The following KIAA1549L variants were observed in gnomAD, a reference collection of about 807,000 sequenced individuals.
The protein encoded by KIAA1549L is KIAA1549 like.
A neutral mutation model predicts 160.7 loss-of-function variants in KIAA1549L; 88 were observed. The observed-to-expected ratio is 0.55, with a 90% CI of 0.46 to 0.65. The LOEUF is 0.65. Among genes scored for constraint, KIAA1549L ranks in the 30% least tolerant of loss-of-function variants. KIAA1549L has a pLI of 0.00. For synonymous variants in KIAA1549L, 950 were observed against 976.7 expected, an observed-to-expected ratio of 0.97 and a Z score of 0.51; for missense variants, 2,258 against 2,437.5, an observed-to-expected ratio of 0.93 and a Z score of 1.55.
intron 1 of KIAA1549L, among the ~76,000 whole-genome samples, chr11:33,417,306 A>G (rs117514236): frequency 7.2e-5 from 11 of 152,172 alleles, no homozygotes; most frequent in Non-Finnish European, 1.5e-4. Flanking sequence ...CAGCATGCGC[A>G]TGACACCCCC....
intron 1 of KIAA1549L, among the ~76,000 whole-genome samples, chr11:33,386,331 T>C (rs1850171981): frequency 6.6e-6 from 1 of 152,224 alleles, no homozygotes; most frequent in African/African-American, 2.4e-5. Flanking sequence ...TCTTTGTCTA[T>C]TGAGATGATC....
intron 1 of KIAA1549L, among the ~76,000 whole-genome samples, chr11:33,526,810 C>T (rs1245566837): frequency 6.6e-6 from 1 of 152,130 alleles, no homozygotes; most frequent in Non-Finnish European, 1.5e-5. Context: ...TAAGAAATCT[C>T]TGAATTGCCA....
intron 1 of KIAA1549L, among the ~76,000 whole-genome samples, chr11:33,481,705 C>T (rs1440984020): frequency 2.6e-5 from 4 of 152,232 alleles, no homozygotes; most frequent in Non-Finnish European, 5.9e-5. Flanking sequence ...GACCCACCCT[C>T]ACTTTTTAAA....
chr11:33,477,894 C>T (rs755732449), intron 1 of KIAA1549L, among the ~76,000 whole-genome samples: 10 of 152,182 alleles, frequency 6.6e-5, no homozygotes, highest in Non-Finnish European at 1.0e-4. Flanking sequence ...AAACCACTTA[C>T]GTTTTGTCCA....
chr11:33,552,115 G>A lies in KIAA1549L; in HGVS notation c.3729G>A (p.Gln1243=). 1.2e-6 allele frequency: 2 copies of A among 1,613,704 alleles called. No homozygotes were observed. Among genetic ancestry groups the A allele is most frequent in the Non-Finnish European group, 1.7e-6 (2 of 1,179,772 alleles). Residue 1243 remains glutamine (Q), a synonymous_variant, in exon 6 of 21, where the codon CAG becomes CAA. Coordinates refer to ENST00000658780, the MANE Select transcript of KIAA1549L (RefSeq NM_012194.3). ...AGYFQLKTVL[Q]FVSQADNIQS... is the part of the protein sequence containing the mutation. The stretch of plus-strand genomic sequence containing the variant: ...TGACTTCTCTCATTCTAGTGCTGCA[G>A]TTTGTGAGCCAAGCGGACAACATAC...
At chr11:33,554,781 G>C (rs560775425) in intron 6 of KIAA1549L, among the ~76,000 whole-genome samples, 2 of 152,326 alleles carry the variant, frequency 1.3e-5, no homozygotes, top group East Asian at 3.9e-4. Context: ...GCAAAGAGGA[G>C]AAATGGTTCC....
At chr11:33,633,766 T>C (rs1851366345) in intron 16 of KIAA1549L, among the ~76,000 whole-genome samples, 1 of 152,218 alleles carries the variant, frequency 6.6e-6, no homozygotes, top group South Asian at 2.1e-4. Context: ...TAGTACAGTG[T>C]AGGGGCTGTG....
At chr11:33,529,404 G>A (rs1318371886) in intron 1 of KIAA1549L, among the ~76,000 whole-genome samples, 4 of 152,126 alleles carry the variant, frequency 2.6e-5, no homozygotes, top group African/African-American at 9.6e-5. Flanking sequence ...ATTAGATTTT[G>A]CTCTTCTGGA....
At chr11:33,641,631 T>TAC (rs1851588922) in intron 16 of KIAA1549L, among the ~76,000 whole-genome samples, 2 of 90,988 alleles carry the variant, frequency 2.2e-5, no homozygotes, top group African/African-American at 3.7e-5. Flanking sequence ...TATATATATA[T>TAC]ATACACAGTG....
intron 16 of KIAA1549L, among the ~76,000 whole-genome samples, chr11:33,623,096 A>G (rs12577446): frequency 0.037 from 5,593 of 152,248 alleles, 232 homozygotes; most frequent in East Asian, 0.19. Flanking sequence ...TTGTAATCCT[A>G]TTATTAATAG....
At chr11:33,503,224 C>A (rs1006773533) in intron 1 of KIAA1549L, among the ~76,000 whole-genome samples, 1 of 152,164 alleles carries the variant, frequency 6.6e-6, no homozygotes, top group Non-Finnish European at 1.5e-5. Flanking sequence ...TCTTGTTCAG[C>A]ATTATGTGTG....
At chr11:33,559,264 G>C (rs929104204) in intron 6 of KIAA1549L, among the ~76,000 whole-genome samples, 8 of 152,122 alleles carry the variant, frequency 5.3e-5, no homozygotes, top group African/African-American at 1.9e-4. Context: ...TTCTCTATCT[G>C]AGCAGTTGAG....
intron 16 of KIAA1549L, among the ~76,000 whole-genome samples, chr11:33,625,975 T>C (rs1008459114): frequency 6.7e-6 from 1 of 149,836 alleles, no homozygotes; most frequent in Non-Finnish European, 1.5e-5. Context: ...GCTTTCTACA[T>C]ATGGCTAGCC....
chr11:33,475,498 A>G (rs1852265619), intron 1 of KIAA1549L, among the ~76,000 whole-genome samples: 1 of 151,232 alleles, frequency 6.6e-6, no homozygotes, highest in South Asian at 2.1e-4. Flanking sequence ...TCGAGGTTAT[A>G]GTAAGCTATA....
chr11:33,580,161 A>G (rs1182455215), intron 10 of KIAA1549L, among the ~76,000 whole-genome samples: 4 of 152,204 alleles, frequency 2.6e-5, no homozygotes, highest in Non-Finnish European at 4.4e-5. Context: ...CAGGGTCTGG[A>G]GTGAGAGGCA....
chr11:33,638,419 AAAT>A (rs1325488520), intron 16 of KIAA1549L, among the ~76,000 whole-genome samples: 1 of 12,486 alleles, frequency 8.0e-5, no homozygotes, highest in Non-Finnish European at 1.3e-4. Flanking sequence ...TCTCTAAAAT[AAAT>A]AAAAAAAAAA....
chr11:33,538,390 A>G (rs976294442), intron 1 of KIAA1549L, among the ~76,000 whole-genome samples: 4 of 152,318 alleles, frequency 2.6e-5, no homozygotes, highest in Admixed American at 1.3e-4. Context: ...CAGTGTGCAA[A>G]TGGGGACTCT....
At chr11:33,550,623 C>A (rs1298015790) in intron 4 of KIAA1549L, among the ~76,000 whole-genome samples, 2 of 152,094 alleles carry the variant, frequency 1.3e-5, no homozygotes, top group Non-Finnish European at 1.5e-5. Flanking sequence ...CCCAAGGTTC[C>A]CCCACTTAAT....
Position 33,645,868 on chromosome 11 carries a change from G to A in KIAA1549L, c.5592G>A (p.Ala1864=), listed in dbSNP as rs1851705974. Residue 1864 remains alanine, a synonymous_variant, in exon 17 of 21, where the codon GCG becomes GCA. Coordinates refer to ENST00000658780, the MANE Select transcript of KIAA1549L (RefSeq NM_012194.3). ...AGGAGGCCTTCAGCCTGGCATCCGC[G>A]GGCCACGCAGGCCAGAGCCGGCACC... The part of the protein sequence containing the change: ...LLEEAFSLAS[A]GHAGQSRHQE... The A allele has an allele frequency of 5.0e-6, 8 of 1,613,728 alleles. No homozygotes were observed. The highest frequency in any genetic ancestry group is 4.4e-5 in the South Asian group (4 of 91,086).
Sources: allele counts gnomAD v4.1 joint callset (sites outside exome capture counted in the v4.1 genomes callset), GRCh38; gene constraint gnomAD v4.1.1; transcripts MANE v1.5; gene names NCBI Gene and HGNC (gene_info 2026-07-23, HGNC 2026-07-21).